Variants in GHR observed in about 807,000 individuals in gnomAD.
GHR encodes growth hormone receptor, also known as GH receptor.
GHR carries 35 observed loss-of-function variants against 67.1 expected under a neutral mutation model. The ratio of observed to expected loss-of-function variants is 0.52; its 90% CI spans 0.40 to 0.69. The LOEUF (loss-of-function observed/expected upper bound fraction) is 0.69, where lower values mean the gene tolerates loss of function less well. Among genes scored for constraint, GHR ranks in the 30% least tolerant of loss-of-function variants. GHR has a pLI of 0.00. For missense variants in GHR, 792 were observed against 764.6 expected, an observed-to-expected ratio of 1.04 and a Z score of -0.42; for synonymous variants, 272 against 269.1, an observed-to-expected ratio of 1.01 and a Z score of -0.10.
At chr5:42,478,680 C>T (rs1745460409) in intron 1 of GHR, among the ~76,000 whole-genome samples, 1 of 152,102 alleles carries the variant, frequency 6.6e-6, no homozygotes, top group Admixed American at 6.6e-5. Flanking sequence ...ATTTGGCTCT[C>T]TGTTTGTCTG....
chr5:42,714,994 T>C lies in GHR; in HGVS notation c.875+1475T>C, dbSNP rs183589282. 1.7e-4 allele frequency: 55 copies of C among 331,474 alleles called. No individual in the cohort carries two copies. The East Asian group carries it at 5.2e-3, about 31-fold the overall frequency. The allele number at this position is 331,474 out of a possible 1,614,324, so 20.5% of individuals were successfully genotyped here. A position where few individuals can be genotyped will look rare whatever the true frequency, so the allele number is the denominator to read the frequency against. ...CAATTTGTTATGTTGTTTAGTTATA[T>C]TAGTTAACAATATTAGGAAGAAAAA... On this transcript the variant is annotated intron_variant, in intron 8 of 9. Coordinates refer to ENST00000230882, the MANE Select transcript of GHR (RefSeq NM_000163.5).
chr5:42,581,856 G>T (rs1016975409), intron 2 of GHR, among the ~76,000 whole-genome samples: 9 of 152,164 alleles, frequency 5.9e-5, no homozygotes, highest in African/African-American at 2.2e-4. Context: ...GGGCATCCCC[G>T]TGCTCTCGGG....
chr5:42,480,851 C>G (rs137939562), intron 1 of GHR, among the ~76,000 whole-genome samples: 1 of 152,048 alleles, frequency 6.6e-6, no homozygotes, highest in Non-Finnish European at 1.5e-5. Flanking sequence ...AATTTGCCAG[C>G]CTGTGTCTTT....
chr5:42,639,550 G>T (rs1561188786), intron 3 of GHR, among the ~76,000 whole-genome samples: 1 of 152,062 alleles, frequency 6.6e-6, no homozygotes, highest in African/African-American at 2.4e-5. Flanking sequence ...TATTGTGAAA[G>T]CCAATATTTG....
chr5:42,617,000 G>A (rs1580062650), intron 2 of GHR, among the ~76,000 whole-genome samples: 1 of 152,002 alleles, frequency 6.6e-6, no homozygotes. Flanking sequence ...GGAGAAATTA[G>A]GAAGTAGAGA....
At chr5:42,611,355 C>T (rs888643819) in intron 2 of GHR, among the ~76,000 whole-genome samples, 4 of 152,090 alleles carry the variant, frequency 2.6e-5, no homozygotes, top group African/African-American at 9.7e-5. Flanking sequence ...CTTTTTCCAA[C>T]CTTAATTACC....
chr5:42,652,508 A>G (rs1370689446), intron 3 of GHR, among the ~76,000 whole-genome samples: 2 of 152,206 alleles, frequency 1.3e-5, no homozygotes, highest in Non-Finnish European at 2.9e-5. Flanking sequence ...ATGAAACACT[A>G]GCAAAATTAC....
intron 6 of GHR, among the ~76,000 whole-genome samples, chr5:42,706,732 C>T (rs1758194689): frequency 6.6e-6 from 1 of 151,940 alleles, no homozygotes; most frequent in Non-Finnish European, 1.5e-5. Flanking sequence ...CTGTTCTGTT[C>T]CATTGATCTA....
chr5:42,561,521 T>C (rs1048697643), intron 1 of GHR, among the ~76,000 whole-genome samples: 17 of 152,240 alleles, frequency 1.1e-4, no homozygotes, highest in Non-Finnish European at 2.4e-4. Context: ...ATGAACTGTT[T>C]TATAGCCAAA....
At chr5:42,529,406 A>G (rs2112333451) in intron 1 of GHR, among the ~76,000 whole-genome samples, 1 of 152,322 alleles carries the variant, frequency 6.6e-6, no homozygotes, top group South Asian at 2.1e-4. Flanking sequence ...ACTGAACTGC[A>G]GTATCTTCAA....
intron 1 of GHR, among the ~76,000 whole-genome samples, chr5:42,474,488 C>A (rs1055814368): frequency 3.9e-5 from 6 of 152,112 alleles, no homozygotes; most frequent in Non-Finnish European, 7.4e-5. Flanking sequence ...TATAAGACAC[C>A]CTCTGAGAGG....
intron 1 of GHR, among the ~76,000 whole-genome samples, chr5:42,480,440 C>G (rs894713536): frequency 6.6e-6 from 1 of 151,940 alleles, no homozygotes; most frequent in Non-Finnish European, 1.5e-5. Context: ...CCTGGGTATC[C>G]TTGTTAACTT....
At chr5:42,476,575 A>T (rs1745331985) in intron 1 of GHR, among the ~76,000 whole-genome samples, 1 of 152,242 alleles carries the variant, frequency 6.6e-6, no homozygotes, top group African/African-American at 2.4e-5. Context: ...ATGATGAATT[A>T]TGAAAATCAT....
intron 3 of GHR, among the ~76,000 whole-genome samples, chr5:42,664,148 T>C (rs1285748279): frequency 6.6e-6 from 1 of 152,036 alleles, no homozygotes; most frequent in Non-Finnish European, 1.5e-5. Context: ...GAATCAATAT[T>C]GTGAAAATGG....
At chr5:42,480,739 G>A (rs1745589824) in intron 1 of GHR, among the ~76,000 whole-genome samples, 1 of 152,070 alleles carries the variant, frequency 6.6e-6, no homozygotes, top group Admixed American at 6.6e-5. Flanking sequence ...CCATTTGCTT[G>A]GTAGATCTTC....
chr5:42,636,209 CAAAAAAAAAAAAA>C (rs11373491), intron 3 of GHR, among the ~76,000 whole-genome samples: 2 of 81,950 alleles, frequency 2.4e-5, no homozygotes, highest in African/African-American at 4.6e-5. Flanking sequence ...GACCCCGTTT[CAAAAAAAAAAAAA>C]AAAAAAAAAA....
intron 3 of GHR, among the ~76,000 whole-genome samples, chr5:42,650,958 A>G (rs146158442): frequency 6.6e-6 from 1 of 152,306 alleles, no homozygotes; most frequent in African/African-American, 2.4e-5. Flanking sequence ...AGCTGGGCTT[A>G]CCATATAAAT....
chr5:42,460,677 A>G (rs568244526), intron 1 of GHR, among the ~76,000 whole-genome samples: 1 of 152,366 alleles, frequency 6.6e-6, no homozygotes, highest in South Asian at 2.1e-4. Context: ...TAAATCTGCA[A>G]ACACCATCCA....
At chr5:42,610,589 G>A (rs753957260) in intron 2 of GHR, among the ~76,000 whole-genome samples, 5 of 152,004 alleles carry the variant, frequency 3.3e-5, no homozygotes, top group Non-Finnish European at 7.4e-5. Flanking sequence ...CTGGGGAAAT[G>A]CCTATGAGGG....
Sources: gnomAD v4.1 joint callset for allele counts (sites outside exome capture counted in the v4.1 genomes callset) on GRCh38, gnomAD v4.1.1 for gene constraint, MANE v1.5 for transcripts, NCBI Gene and HGNC (gene_info 2026-07-23, HGNC 2026-07-21) for gene names.